AKAP19: variants seen among roughly 807,000 people sequenced by gnomAD.
AKAP19 encodes small A-kinase anchoring protein.
chr2:190,127,292 G>A, the AKAP19 span, among the ~76,000 whole-genome samples: 616 of 151,528 alleles, frequency 4.1e-3, 1 homozygote, highest in African/African-American at 0.014. Context: ...CTCATATATC[G>A]GTGAATGGTG....
At chr2:189,930,628 A>G in the AKAP19 span, 3 of 299,598 alleles carry the variant, frequency 1.0e-5, no homozygotes, top group East Asian at 2.5e-4. Flanking sequence ...GTCAGCCAAG[A>G]TCGCGCCACT....
At chr2:190,135,419 T>C in the AKAP19 span, among the ~76,000 whole-genome samples, 16 of 152,226 alleles carry the variant, frequency 1.1e-4, no homozygotes, top group Non-Finnish European at 2.2e-4. Context: ...GTGATTTATA[T>C]GCACACTAAA....
At chr2:190,026,640 A>G in the AKAP19 span, among the ~76,000 whole-genome samples, 2 of 152,208 alleles carry the variant, frequency 1.3e-5, no homozygotes, top group Non-Finnish European at 2.9e-5. Context: ...ATCTGATGTG[A>G]GTACCTCCAA....
At chr2:190,089,330 T>C in the AKAP19 span, among the ~76,000 whole-genome samples, 1 of 152,164 alleles carries the variant, frequency 6.6e-6, no homozygotes, top group South Asian at 2.1e-4. Context: ...CAGAAAAATA[T>C]ATTTTATTTG....
chr2:190,009,003 G>C, the AKAP19 span, among the ~76,000 whole-genome samples: 3 of 151,996 alleles, frequency 2.0e-5, no homozygotes, highest in Non-Finnish European at 2.9e-5. Context: ...GGCTGTCTGG[G>C]GTTCCAGACA....
chr2:190,036,850 TAAG>T, the AKAP19 span, among the ~76,000 whole-genome samples: 16 of 152,214 alleles, frequency 1.1e-4, no homozygotes, highest in African/African-American at 3.9e-4. Context: ...CCCAAAAGAT[TAAG>T]TTCACATCCT....
the AKAP19 span, among the ~76,000 whole-genome samples, chr2:190,084,385 G>A: frequency 6.6e-6 from 1 of 152,104 alleles, no homozygotes; most frequent in Admixed American, 6.6e-5. Context: ...GAGCCACCTT[G>A]CCCAGCTAGA....
chr2:190,127,342 C>T, the AKAP19 span, among the ~76,000 whole-genome samples: 1 of 151,868 alleles, frequency 6.6e-6, no homozygotes, highest in Non-Finnish European at 1.5e-5. Context: ...AAGCCCATTT[C>T]CACCAACACA....
the AKAP19 span, among the ~76,000 whole-genome samples, chr2:190,087,780 C>T: frequency 6.6e-6 from 1 of 152,208 alleles, no homozygotes; most frequent in Non-Finnish European, 1.5e-5. Flanking sequence ...ATAGTGTTCC[C>T]AATTGGTCAT....
the AKAP19 span, among the ~76,000 whole-genome samples, chr2:189,988,675 C>A: frequency 6.6e-6 from 1 of 152,188 alleles, no homozygotes; most frequent in Non-Finnish European, 1.5e-5. Flanking sequence ...CAAAGGTCTG[C>A]ATGGATATTT....
the AKAP19 span, among the ~76,000 whole-genome samples, chr2:190,047,072 T>C: frequency 6.6e-6 from 1 of 152,184 alleles, no homozygotes; most frequent in African/African-American, 2.4e-5. Flanking sequence ...ACTGGCTCCC[T>C]TCACTGACAG....
the AKAP19 span, among the ~76,000 whole-genome samples, chr2:190,085,476 C>T: frequency 0.82 from 125,202 of 152,164 alleles, 51,709 homozygotes; most frequent in East Asian, 0.92. Flanking sequence ...ACAAATATAG[C>T]GTTCACTGAT....
chr2:189,977,318 G>T, the AKAP19 span, among the ~76,000 whole-genome samples: 1 of 152,140 alleles, frequency 6.6e-6, no homozygotes, highest in African/African-American at 2.4e-5. Flanking sequence ...CCCTAATAGA[G>T]CTTACAAAGT....
At chr2:190,166,169 A>G in the AKAP19 span, among the ~76,000 whole-genome samples, 1 of 151,896 alleles carries the variant, frequency 6.6e-6, no homozygotes, top group African/African-American at 2.4e-5. Flanking sequence ...TATTTAAAAT[A>G]TGAGAGAATA....
the AKAP19 span, among the ~76,000 whole-genome samples, chr2:190,023,665 G>A: frequency 6.6e-6 from 1 of 150,966 alleles, no homozygotes; most frequent in Non-Finnish European, 1.5e-5. Context: ...TCTTGTAATC[G>A]AATAATCTCT....
the AKAP19 span, among the ~76,000 whole-genome samples, chr2:190,175,908 C>A: frequency 6.6e-6 from 1 of 152,154 alleles, no homozygotes; most frequent in African/African-American, 2.4e-5. Flanking sequence ...TGGAGCTGTT[C>A]CCTTGTCAAT....
chr2:190,174,406 A>C, the AKAP19 span, among the ~76,000 whole-genome samples: 1 of 152,202 alleles, frequency 6.6e-6, no homozygotes, highest in Non-Finnish European at 1.5e-5. Context: ...AATACCCCTC[A>C]GATTTCTCTT....
At chr2:190,178,054 T>A in the AKAP19 span, among the ~76,000 whole-genome samples, 4 of 152,144 alleles carry the variant, frequency 2.6e-5, no homozygotes, top group Non-Finnish European at 5.9e-5. This position sits in a 1 kb window ranked among gnomAD's most constrained non-coding sequence, Gnocchi z 6.3. Flanking sequence ...TAAAAAGTTA[T>A]CTCAGCACTT....
the AKAP19 span, among the ~76,000 whole-genome samples, chr2:190,065,940 A>G: frequency 6.6e-6 from 1 of 152,256 alleles, no homozygotes; most frequent in East Asian, 1.9e-4. Flanking sequence ...GGAAACTTCA[A>G]TGTAGTCTGA....
Sources: allele counts gnomAD v4.1 joint callset (sites outside exome capture counted in the v4.1 genomes callset), GRCh38; gene constraint gnomAD v4.1.1; non-coding constraint Gnocchi (gnomAD v3.1); transcripts MANE v1.5; gene names NCBI Gene and HGNC (gene_info 2026-07-23, HGNC 2026-07-21).